CPD: variants seen among roughly 807,000 people sequenced by gnomAD.
CPD encodes the protein carboxypeptidase D.
CPD carries 69 observed loss-of-function variants against 138.3 expected under a neutral mutation model. That is an observed-to-expected ratio of 0.50 (90% CI 0.41 to 0.61). The LOEUF (loss-of-function observed/expected upper bound fraction) is 0.61. Ranked by LOEUF, CPD falls within the 20% of genes least tolerant of loss-of-function variation. The pLI is 0.00. For synonymous variants in CPD, 651 were observed against 642.1 expected, an observed-to-expected ratio of 1.01 and a Z score of -0.21; for missense variants, 1,432 against 1,733.3, an observed-to-expected ratio of 0.83 and a Z score of 3.09.
At chr17:30,435,924 C>G (rs868433637) in intron 8 of CPD, among the ~76,000 whole-genome samples, 10 of 152,194 alleles carry the variant, frequency 6.6e-5, no homozygotes, top group African/African-American at 2.4e-5. Flanking sequence ...AACCCTTCAT[C>G]ATCACACGGC....
rs1416334462 is a variant in CPD, at chr17:30,379,112, G to A, written c.132G>A (p.Thr44=). 2.6e-6 allele frequency: 4 copies of A among 1,545,076 alleles called. No homozygotes were observed. Among genetic ancestry groups the A allele is most frequent in the Non-Finnish European group, 1.7e-6 (2 of 1,150,292 alleles). ...IKKAEATTTT[T]SAGAEAAEGQ... is the part of the protein sequence containing the mutation. ...AGGCGGAGGCGACTACCACAACTAC[G>A]AGCGCGGGCGCCGAGGCGGCCGAGG... The change falls in exon 1 of 21, where the codon ACG becomes ACA. Residue 44 remains threonine, a synonymous_variant. Coordinates refer to ENST00000225719, the MANE Select transcript of CPD (RefSeq NM_001304.5). This position sits in a 1 kb window ranked among gnomAD's most constrained non-coding sequence, Gnocchi z 7.0.
Position 30,422,678 on chromosome 17 carries a change from A to G in CPD, c.1312A>G (p.Met438Val). ...TTTTTCAAATTTTTTTTTCAGGTATATGCCATTGACTGTTACTAATGTAGT... is the reference window on the plus strand; with the variant it reads ...TTTTTCAAATTTTTTTTTCAGGTATGTGCCATTGACTGTTACTAATGTAGT... ...YNLTVVLTGY[M>V]PLTVTNVVVK... is the part of the protein sequence containing the mutation. The change falls in exon 5 of 21, where the codon ATG becomes GTG. Residue 438 changes from methionine to valine, a missense_variant. Physicochemically the swap from Met to Val is conservative, Grantham distance 21. Transcript: ENST00000225719. 1 of 1,598,842 alleles carries G rather than the reference A, an allele frequency of 6.3e-7. No individual in the cohort carries two copies. The highest frequency in any genetic ancestry group is 8.5e-7 in the Non-Finnish European group (1 of 1,173,626).
intron 10 of CPD, 77 bp downstream of exon 10, chr17:30,442,527 A>T (rs1033728428): frequency 3.5e-6 from 5 of 1,431,602 alleles, no homozygotes; most frequent in Non-Finnish European, 3.9e-6. Flanking sequence ...GTTTTTGTGC[A>T]GTGATTTTGG....
chr17:30,437,539 G>A (rs1378150680), intron 8 of CPD, among the ~76,000 whole-genome samples: 1 of 151,948 alleles, frequency 6.6e-6, no homozygotes. Context: ...ACAAAAATTA[G>A]CCAGGTGTGT....
At chr17:30,396,601 C>T (rs7221691) in intron 2 of CPD, among the ~76,000 whole-genome samples, 134,845 of 152,236 alleles carry the variant, frequency 0.89, 59,934 homozygotes, top group African/African-American at 0.96. Flanking sequence ...TCTTAAAACA[C>T]ATGAAGATTA....
chr17:30,416,023 C>T (rs1329444074), intron 2 of CPD, among the ~76,000 whole-genome samples: 1 of 152,130 alleles, frequency 6.6e-6, no homozygotes, highest in Non-Finnish European at 1.5e-5. Flanking sequence ...TATGGAGCTT[C>T]ATTTTTTGCG....
Position 30,439,322 on chromosome 17 carries a change from A to G in CPD, c.2230+245A>G, listed in dbSNP as rs181331144. The stretch of plus-strand genomic sequence containing the variant: ...TACATTTTACTTCTGGCTATTAGAA[A>G]GAATCTTACATGTGCTAATAGAAGA... On this transcript the variant is annotated intron_variant, in intron 9 of 20. Coordinates refer to ENST00000225719, the MANE Select transcript of CPD (RefSeq NM_001304.5). Among the ~76,000 whole-genome samples the G allele has an allele frequency of 6.0e-5, 9 of 151,242 alleles. 1 individual carries two copies. In the East Asian group the frequency reaches 1.7e-3, roughly 29 times the overall value.
rs1911504791 is a variant in CPD at position 30,396,284 on chromosome 17, T to A, written c.994+11048T>A. ...TAGACTTTAAAATGCTTTTCCTATTTAAAAAAACACATTGTAGTTTCCTTG... is the reference window on the plus strand; with the variant it reads ...TAGACTTTAAAATGCTTTTCCTATTAAAAAAAACACATTGTAGTTTCCTTG... On this transcript the variant is annotated intron_variant, in intron 2 of 20. Transcript: ENST00000225719. Among the ~76,000 whole-genome samples the A allele has an allele frequency of 2.0e-5, 3 of 152,066 alleles. 1 individual carries two copies. Among genetic ancestry groups the A allele is most frequent in the Non-Finnish European group, 4.4e-5 (3 of 67,970 alleles).
intron 2 of CPD, among the ~76,000 whole-genome samples, chr17:30,418,170 TA>T (rs1912166796): frequency 6.9e-6 from 1 of 144,674 alleles, no homozygotes; most frequent in African/African-American, 2.5e-5. Flanking sequence ...ATATCTCTAT[TA>T]TTAATATCAT....
In CPD at chr17:30,445,907, A is replaced by C; in HGVS notation, c.2760A>C (p.Leu920Phe). 1 of 1,614,168 alleles carries C rather than the reference A, an allele frequency of 6.2e-7. No individual in the cohort carries two copies. The highest frequency in any genetic ancestry group is 1.1e-5 in the South Asian group (1 of 91,088). Residue 920 changes from leucine to phenylalanine, a missense_variant, in exon 12 of 21, where the codon TTA becomes TTC. Coordinates refer to ENST00000225719, the MANE Select transcript of CPD (RefSeq NM_001304.5). ...SAENGLESLM[L>F]RSSSNLALAL... ...AGAATGGTTTGGAAAGCCTCATGTT[A>C]CGCTCCTCCTCAAATCTGGCTCTGG...
chr17:30,448,615 A>G (rs1913087537), intron 12 of CPD, among the ~76,000 whole-genome samples: 1 of 152,072 alleles, frequency 6.6e-6, no homozygotes, highest in South Asian at 2.1e-4. Context: ...TTTCTGTCCA[A>G]TTCTTGTAAA....
At chr17:30,393,907 G>A (rs1035150177) in intron 2 of CPD, among the ~76,000 whole-genome samples, 3 of 152,156 alleles carry the variant, frequency 2.0e-5, no homozygotes, top group African/African-American at 7.2e-5. Flanking sequence ...TTGGGAGGCT[G>A]AAGTAGGAGG....
At chr17:30,397,594 C>A (rs1408152506) in intron 2 of CPD, among the ~76,000 whole-genome samples, 1 of 151,414 alleles carries the variant, frequency 6.6e-6, no homozygotes, top group African/African-American at 2.4e-5. Flanking sequence ...AAAAATTAGC[C>A]AGGCATGGTG....
In CPD at chr17:30,417,539, A is replaced by G. The variant is rs1912143292; in HGVS notation, c.995-3302A>G. On this transcript the variant is annotated intron_variant, in intron 2 of 20. Coordinates refer to ENST00000225719, the MANE Select transcript of CPD (RefSeq NM_001304.5). The stretch of plus-strand genomic sequence containing the variant: ...AGACCTTATTTTTTCTGTTAATGGC[A>G]TCATCATTAGCCCAATTGATCAGGC... 1.3e-5 allele frequency among the ~76,000 whole-genome samples: 2 copies of G among 152,084 alleles called. 1 individual carries two copies. Among genetic ancestry groups the G allele is most frequent in the African/African-American group, 4.8e-5 (2 of 41,404 alleles).
chr17:30,404,768 A>T (rs1389113377), intron 2 of CPD, among the ~76,000 whole-genome samples: 1 of 151,420 alleles, frequency 6.6e-6, no homozygotes, highest in East Asian at 1.9e-4. Flanking sequence ...AAAATTTCTG[A>T]TGGCAGCTTT....
chr17:30,464,023 G>T (rs1042090530), intron 20 of CPD, among the ~76,000 whole-genome samples: 2 of 152,108 alleles, frequency 1.3e-5, no homozygotes, highest in Non-Finnish European at 2.9e-5. Context: ...TAAAAAGCAG[G>T]TTGCAGAACA....
chr17:30,463,551 C>T (rs550371982), intron 20 of CPD, among the ~76,000 whole-genome samples: 1 of 152,236 alleles, frequency 6.6e-6, no homozygotes, highest in South Asian at 2.1e-4. Flanking sequence ...CATGTCATTG[C>T]TTGGATTACT....
chr17:30,411,967 C>T (rs1484167577), intron 2 of CPD, among the ~76,000 whole-genome samples: 2 of 152,180 alleles, frequency 1.3e-5, no homozygotes, highest in African/African-American at 4.8e-5. Context: ...TTCAGCTTTT[C>T]AGCCCTGGTT....
intron 10 of CPD, among the ~76,000 whole-genome samples, 179 bp downstream of exon 10, chr17:30,442,629 A>G (rs1191051810): frequency 6.6e-6 from 1 of 152,194 alleles, no homozygotes; most frequent in African/African-American, 2.4e-5. Flanking sequence ...AAAATTCGTG[A>G]ATGGAAATGA....
Sources: gnomAD v4.1 joint callset for allele counts (sites outside exome capture counted in the v4.1 genomes callset) on GRCh38, gnomAD v4.1.1 for gene constraint, Gnocchi (gnomAD v3.1) non-coding constraint, MANE v1.5 for transcripts, NCBI Gene and HGNC (gene_info 2026-07-23, HGNC 2026-07-21) for gene names.